The following TTC7B variants were observed in gnomAD, a reference collection of about 807,000 sequenced individuals.
TTC7B encodes the protein tetratricopeptide repeat protein 7B.
A neutral mutation model predicts 106.8 loss-of-function variants in TTC7B; 28 were observed. The observed-to-expected ratio is 0.26, with a 90% CI of 0.19 to 0.36. The LOEUF is 0.36. Ranked by LOEUF, TTC7B falls within the 10% of genes least tolerant of loss-of-function variation. The pLI is 1.00. For synonymous variants in TTC7B, 405 were observed against 430.6 expected (o/e 0.94, Z 0.74); for missense variants, 862 against 1,076.4 (o/e 0.80, Z 2.79).
intron 5 of TTC7B, chr14:90,699,341 G>A: frequency 2.5e-6 from 1 of 397,882 alleles, no homozygotes; most frequent in East Asian, 7.6e-5. Flanking sequence ...CTTGTAATGA[G>A]TGGCTACTTC....
intron 15 of TTC7B, among the ~76,000 whole-genome samples, chr14:90,623,318 G>A (rs1180230914): frequency 6.6e-6 from 1 of 152,002 alleles, no homozygotes; most frequent in African/African-American, 2.4e-5. Flanking sequence ...ATGAGGCTGA[G>A]TTAAGTAATT....
At chr14:90,764,702 T>C (rs779684695) in intron 3 of TTC7B, among the ~76,000 whole-genome samples, 2 of 152,116 alleles carry the variant, frequency 1.3e-5, no homozygotes, top group Non-Finnish European at 2.9e-5. Context: ...AATAAGCACA[T>C]GAAAAATTGC....
At chr14:90,740,973 T>C (rs1407778554) in intron 4 of TTC7B, among the ~76,000 whole-genome samples, 1 of 152,002 alleles carries the variant, frequency 6.6e-6, no homozygotes, top group Non-Finnish European at 1.5e-5. Context: ...GGCACATGAG[T>C]TAACCCACCT....
At chr14:90,743,524 A>G (rs1595342076) in intron 4 of TTC7B, among the ~76,000 whole-genome samples, 1 of 152,192 alleles carries the variant, frequency 6.6e-6, no homozygotes, top group African/African-American at 2.4e-5. Context: ...TAGGATTTCT[A>G]ATCATTTCAA....
At chr14:90,707,177 C>G (rs984756586) in intron 5 of TTC7B, among the ~76,000 whole-genome samples, 9 of 152,142 alleles carry the variant, frequency 5.9e-5, no homozygotes, top group African/African-American at 2.2e-4. Flanking sequence ...ATAATACCAC[C>G]ATCAATTATT....
intron 5 of TTC7B, among the ~76,000 whole-genome samples, chr14:90,700,505 C>T (rs113878265): frequency 3.4e-3 from 517 of 151,982 alleles, no homozygotes; most frequent in African/African-American, 0.012. Context: ...GTACCAGTGA[C>T]GTTTAACAAG....
intron 1 of TTC7B, among the ~76,000 whole-genome samples, chr14:90,794,205 GTATTTCTTTTTTTTT>G (rs1209042754): frequency 1.1e-5 from 1 of 89,656 alleles, no homozygotes; most frequent in Non-Finnish European, 2.6e-5. Context: ...ACCTGGCTGG[GTATTTCTTTTTTTTT>G]TTTTTTTTTT....
rs552184170 is a variant in TTC7B at position 90,740,359 on chromosome 14, G to A, written c.576+4433C>T. 4.6e-5 allele frequency among the ~76,000 whole-genome samples: 7 copies of A among 152,156 alleles called. No homozygotes were observed. In the South Asian group the frequency reaches 6.2e-4, roughly 14 times the overall value. ...ACACAGAAACAAACCAAGGTCAAAC[G>A]ACCAGGAGTGAACAGAGAAGTCCAG... On this transcript the variant is annotated intron_variant, in intron 4 of 19. Coordinates refer to ENST00000328459, the MANE Select transcript of TTC7B (RefSeq NM_001010854.2).
At chr14:90,667,741 T>C (rs1294029305) in intron 9 of TTC7B, among the ~76,000 whole-genome samples, 1 of 152,208 alleles carries the variant, frequency 6.6e-6, no homozygotes, top group Middle Eastern at 3.2e-3. Context: ...GGGGGCACTT[T>C]AGGCTGAAGG....
chr14:90,553,139 A>G lies in TTC7B; in HGVS notation c.2311-11550T>C, dbSNP rs556400257. ...GGGGAGACCCCCAGCATGCCCTCTC[A>G]GAGCACTGGGGGGACCAAGGGCTGC... On this transcript the variant is annotated intron_variant, in intron 19 of 19. Transcript: ENST00000328459. 5.9e-5 allele frequency among the ~76,000 whole-genome samples: 9 copies of G among 152,280 alleles called. No individual in the cohort carries two copies. The South Asian group carries it at 8.3e-4, about 14-fold the overall frequency.
chr14:90,541,169 G>T lies in TTC7B; in HGVS notation c.*199C>A. 2.0e-6 allele frequency: 1 copy of T among 489,646 alleles called. No homozygotes were observed. Among genetic ancestry groups the T allele is most frequent in the Non-Finnish European group, 3.6e-6 (1 of 276,036 alleles). The allele number at this position is 489,646 out of a possible 1,614,324, so 30.3% of individuals were successfully genotyped here. ...TCAATAGGTTCAGAAACTACCATTG[G>T]GCTGGCAAAAAAAACAAGAGAAACG... On this transcript the variant is annotated 3_prime_UTR_variant, in exon 20 of 20. Coordinates refer to ENST00000328459, the MANE Select transcript of TTC7B (RefSeq NM_001010854.2).
intron 1 of TTC7B, among the ~76,000 whole-genome samples, chr14:90,789,452 G>A (rs947429975): frequency 4.6e-5 from 7 of 152,082 alleles, no homozygotes; most frequent in African/African-American, 1.4e-4. Context: ...GCAGGGCTCG[G>A]TGGCTCATGC....
chr14:90,616,085 G>A (rs996868978), intron 16 of TTC7B, among the ~76,000 whole-genome samples: 3 of 152,226 alleles, frequency 2.0e-5, no homozygotes, highest in Non-Finnish European at 2.9e-5. Context: ...CTAAGTGGGA[G>A]GGAATGTGGG....
In TTC7B at chr14:90,578,071, CAGA is replaced by C; in HGVS notation, c.2310+32_2310+34del. 6.3e-7 allele frequency: 1 copy of C among 1,576,220 alleles called. No homozygotes were observed. Among genetic ancestry groups the C allele is most frequent in the South Asian group, 1.2e-5 (1 of 86,580 alleles). On this transcript the variant is annotated intron_variant, in intron 19 of 19. Coordinates refer to ENST00000328459, the MANE Select transcript of TTC7B (RefSeq NM_001010854.2). The surrounding 1 kb of genome is among the most constrained non-coding windows in gnomAD (Gnocchi z 4.7). ...CCGCTTCCAAGGGCTGTCCCCATGCCAGAGTAGGGGCCACCGCCGGGCTCGTGG... is the reference window on the plus strand; with the variant it reads ...CCGCTTCCAAGGGCTGTCCCCATGCCGTAGGGGCCACCGCCGGGCTCGTGG...
At chr14:90,596,926 C>T (rs1313061577) in intron 17 of TTC7B, among the ~76,000 whole-genome samples, 1 of 152,174 alleles carries the variant, frequency 6.6e-6, no homozygotes, top group Non-Finnish European at 1.5e-5. Context: ...CTCTACTCTT[C>T]CCCTCTAACA....
chr14:90,753,373 T>C (rs1400553135), intron 3 of TTC7B, among the ~76,000 whole-genome samples: 2 of 152,210 alleles, frequency 1.3e-5, no homozygotes, highest in African/African-American at 4.8e-5. Flanking sequence ...TCAAAGGTGA[T>C]AAGACAACGT....
At chr14:90,576,455 G>A (rs1213842717) in intron 19 of TTC7B, among the ~76,000 whole-genome samples, 1 of 152,254 alleles carries the variant, frequency 6.6e-6, no homozygotes, top group East Asian at 1.9e-4. Context: ...TTAAGTAGCT[G>A]TAATTATGGT....
In TTC7B at chr14:90,575,250, C is replaced by T. The variant is rs942397033; in HGVS notation, c.2310+2856G>A. On this transcript the variant is annotated intron_variant, in intron 19 of 19. Coordinates refer to ENST00000328459, the MANE Select transcript of TTC7B (RefSeq NM_001010854.2). The surrounding 1 kb of genome is among the most constrained non-coding windows in gnomAD (Gnocchi z 5.2). Reference sequence around the variant, plus strand: ...ATGTCAGTTCTTGGGTTTAATCTGTCTGCATGTTGTATTGGCGCGGTTATC... The same window carrying T: ...ATGTCAGTTCTTGGGTTTAATCTGTTTGCATGTTGTATTGGCGCGGTTATC... 2.6e-5 allele frequency among the ~76,000 whole-genome samples: 4 copies of T among 152,212 alleles called. No homozygotes were observed. Among genetic ancestry groups the T allele is most frequent in the African/African-American group, 9.6e-5 (4 of 41,464 alleles).
chr14:90,726,429 G>A (rs907350071), intron 5 of TTC7B, among the ~76,000 whole-genome samples: 4 of 152,254 alleles, frequency 2.6e-5, no homozygotes, highest in Non-Finnish European at 4.4e-5. Flanking sequence ...GGCAATGTCC[G>A]GCTCGGTCAT....
Sources: allele counts gnomAD v4.1 joint callset (sites outside exome capture counted in the v4.1 genomes callset), GRCh38; gene constraint gnomAD v4.1.1; non-coding constraint Gnocchi (gnomAD v3.1); transcripts MANE v1.5; gene names NCBI Gene and HGNC (gene_info 2026-07-23, HGNC 2026-07-21).